PELP1: variants seen among roughly 807,000 people sequenced by gnomAD.
PELP1 encodes the protein proline, glutamate and leucine rich protein 1.
A neutral mutation model predicts 95.5 loss-of-function variants in PELP1; 32 were observed. That is an observed-to-expected ratio of 0.34 (90% CI 0.25 to 0.45). The LOEUF is 0.45. PELP1 is among the 20% of genes least tolerant of loss of function. PELP1 has a pLI of 1.00. For missense variants in PELP1, 1,358 were observed against 1,444.8 expected (o/e 0.94, Z 0.97); for synonymous variants, 668 against 600.1 (o/e 1.11, Z -1.65).
rs1244715577 is a variant in PELP1 at position 4,671,924 on chromosome 17, C to G, written c.3067G>C (p.Ala1023Pro). ...GTEEERGADT[A>P]PTLAPEALPS... is the part of the protein sequence containing the mutation. ...AGCGCTTCAGGGGCCAGGGTGGGAG[C>G]TGTGTCAGCCCCACGCTCCTCCTCC... is the stretch of plus-strand genomic sequence containing the variant. Residue 1023 changes from alanine (A) to proline (P), a missense_variant, in exon 16 of 17, where the codon GCT (alanine) becomes CCT (proline). Coordinates refer to ENST00000572293, the MANE Select transcript of PELP1 (RefSeq NM_014389.3). 1 of 1,519,520 alleles carries G rather than the reference C, an allele frequency of 6.6e-7. No homozygotes were observed. Among genetic ancestry groups the G allele is most frequent in the Non-Finnish European group, 8.8e-7 (1 of 1,138,282 alleles). The allele number at this position is 1,519,520 out of a possible 1,614,324, so 94.1% of individuals were successfully genotyped here. A position where few individuals can be genotyped will look rare whatever the true frequency, so the allele number is the denominator to read the frequency against.
chr17:4,702,791 A>G (rs531059391), intron 1 of PELP1, among the ~76,000 whole-genome samples: 4 of 152,290 alleles, frequency 2.6e-5, no homozygotes, highest in Non-Finnish European at 5.9e-5. Context: ...AAGGATGGGT[A>G]GAATTTGGGG....
At chr17:4,692,404 T>C (rs57983062) in intron 1 of PELP1, among the ~76,000 whole-genome samples, 9,143 of 151,672 alleles carry the variant, frequency 0.06, 338 homozygotes, top group Middle Eastern at 0.15. Context: ...GAGACGGAGT[T>C]TGCAGTGAGC....
chr17:4,675,845 T>C lies in PELP1; in HGVS notation c.1020A>G (p.Glu340=). The stretch of plus-strand genomic sequence containing the variant: ...GGGTCCGGCAGATGAAATCCAGGAT[T>C]TCCTGCACAGGGACGGACACGGGAG... The part of the protein sequence containing the change: ...FGAPVSVPVQ[E]ILDFICRTLS... Residue 340 remains glutamate, a synonymous_variant, in exon 9 of 17, where the codon GAA becomes GAG. Transcript: ENST00000572293. The surrounding 1 kb of genome is among the most constrained non-coding windows in gnomAD (Gnocchi z 4.3). 6.3e-7 allele frequency: 1 copy of C among 1,592,148 alleles called. No homozygotes were observed. Among genetic ancestry groups the C allele is most frequent in the Non-Finnish European group, 8.6e-7 (1 of 1,169,336 alleles).
intron 13 of PELP1, 24 bp downstream of exon 13, chr17:4,674,486 G>A: frequency 6.2e-7 from 1 of 1,603,792 alleles, no homozygotes; most frequent in Non-Finnish European, 8.5e-7. Context: ...AGCCCCAGTG[G>A]TCCAGGGCAC....
chr17:4,702,917 C>G (rs756849411), intron 1 of PELP1, among the ~76,000 whole-genome samples: 1 of 152,014 alleles, frequency 6.6e-6, no homozygotes, highest in Non-Finnish European at 1.5e-5. Context: ...GGTGGGGGTT[C>G]AAGCTAGAAT....
In PELP1 at chr17:4,676,494, C is replaced by T; in HGVS notation, c.716G>A (p.Cys239Tyr). Reference sequence around the variant, plus strand: ...CCCTAAAGAGGGCAGCCGGGAATAACACTCACAGGCCAACTGCGGGAGAAA... The same window carrying T: ...CCCTAAAGAGGGCAGCCGGGAATAATACTCACAGGCCAACTGCGGGAGAAA... ...SPQLQQLACE[C>Y]YSRLPSLGAG... The change falls in exon 7 of 17, where the codon TGT becomes TAT. Residue 239 changes from cysteine to tyrosine, a missense_variant. Transcript: ENST00000572293. The T allele has an allele frequency of 6.2e-7, 1 of 1,613,774 alleles. No individual in the cohort carries two copies.
chr17:4,702,783 G>GGAT (rs1227985122), intron 1 of PELP1, among the ~76,000 whole-genome samples: 1 of 152,174 alleles, frequency 6.6e-6, no homozygotes, highest in Non-Finnish European at 1.5e-5. Flanking sequence ...GGGTCTTGAA[G>GGAT]GATGGGTAGA....
intron 5 of PELP1, among the ~76,000 whole-genome samples, chr17:4,681,988 A>AC (rs777388232): frequency 1.3e-4 from 19 of 151,244 alleles, no homozygotes; most frequent in East Asian, 3.9e-4. Flanking sequence ...ACATGGCGAG[A>AC]CCCCCCTACA....
chr17:4,675,873 C>G lies in PELP1; in HGVS notation c.992G>C (p.Gly331Ala). 6.3e-7 allele frequency: 1 copy of G among 1,591,896 alleles called. No individual in the cohort carries two copies. The highest frequency in any genetic ancestry group is 8.6e-7 in the Non-Finnish European group (1 of 1,169,164). The part of the protein sequence containing the change: ...CLGLMLSSEF[G>A]APVSVPVQEI... ...CTGCACAGGGACGGACACGGGAGCT[C>G]CAAACTCAGAGCTAAAGAGAATCAG... Residue 331 changes from glycine to alanine, a missense_variant, in exon 9 of 17, where the codon GGA (glycine) becomes GCA (alanine). Coordinates refer to ENST00000572293, the MANE Select transcript of PELP1 (RefSeq NM_014389.3). The surrounding 1 kb of genome is among the most constrained non-coding windows in gnomAD (Gnocchi z 4.3).
intron 1 of PELP1, among the ~76,000 whole-genome samples, chr17:4,695,908 C>T (rs2063239144): frequency 6.6e-6 from 1 of 151,664 alleles, no homozygotes; most frequent in Admixed American, 6.6e-5. Flanking sequence ...CTCAGGTGAT[C>T]CGCCCACCTT....
rs566688506 is a variant in PELP1, at chr17:4,672,297, T to C, written c.2694A>G (p.Glu898=). 7.8e-5 allele frequency: 121 copies of C among 1,550,860 alleles called. 1 individual carries two copies. The highest frequency in any genetic ancestry group is 1.2e-4 in the Admixed American group (6 of 50,962). The stretch of plus-strand genomic sequence containing the variant: ...CCTCTTCCTCTTCTTCCTCTTCTTC[T>C]TCTTCCTCTTCTTCCTCTTCCTCCT... ...EEEEEEEEEE[E]EEEEEEEEEE... Residue 898 remains glutamate (E), a synonymous_variant, in exon 16 of 17, where the codon GAA becomes GAG. Coordinates refer to ENST00000572293, the MANE Select transcript of PELP1 (RefSeq NM_014389.3).
At chr17:4,699,196 G>C (rs576687932) in intron 1 of PELP1, among the ~76,000 whole-genome samples, 1 of 152,178 alleles carries the variant, frequency 6.6e-6, no homozygotes, top group South Asian at 2.1e-4. Context: ...TGGCTAACAC[G>C]GTGAAACCCC....
Position 4,670,299 on chromosome 17 carries a change from C to CT in PELP1, c.*1139dup, listed in dbSNP as rs1280527480. 11 of 152,118 alleles carry CT rather than the reference C, an allele frequency of 7.2e-5. No individual in the cohort carries two copies. The highest frequency in any genetic ancestry group is 2.4e-4 in the African/African-American group (10 of 41,412). The allele number at this position is 152,118 out of a possible 1,614,324, so 9.4% of individuals were successfully genotyped here. A position where few individuals can be genotyped will look rare whatever the true frequency, so the allele number is the denominator to read the frequency against. ...TTACTTACGTTCATGATTCAACTGA[C>CT]TGAGCAAAAAAAACCACGGGGCCCC... On this transcript the variant is annotated 3_prime_UTR_variant, in exon 17 of 17. Coordinates refer to ENST00000572293, the MANE Select transcript of PELP1 (RefSeq NM_014389.3).
chr17:4,683,829 C>A (rs1295023558), intron 3 of PELP1, among the ~76,000 whole-genome samples: 10 of 91,276 alleles, frequency 1.1e-4, no homozygotes, highest in Non-Finnish European at 1.8e-4. Context: ...AGTGCCCAGC[C>A]TTTTTTTTTT....
intron 5 of PELP1, 128 bp downstream of exon 5, chr17:4,682,374 G>A (rs1325934193): frequency 7.4e-6 from 5 of 675,262 alleles, no homozygotes; most frequent in African/African-American, 3.6e-5. Flanking sequence ...TGGTAGAAGT[G>A]TACTTGTGGA....
At chr17:4,690,741 G>A (rs1325236662) in intron 3 of PELP1, 147 bp downstream of exon 3, 4 of 565,774 alleles carry the variant, frequency 7.1e-6, no homozygotes, top group Non-Finnish European at 1.3e-5. Context: ...GTTTCTATTT[G>A]AAGCTTATCC....
chr17:4,683,681 C>A (rs1912800493), intron 3 of PELP1, among the ~76,000 whole-genome samples: 1 of 151,346 alleles, frequency 6.6e-6, no homozygotes, highest in South Asian at 2.1e-4. Context: ...CAGGCATGGA[C>A]CATCATGCTT....
intron 2 of PELP1, 94 bp from the exon 3 acceptor site, chr17:4,691,087 T>G: frequency 1.1e-6 from 1 of 883,104 alleles, no homozygotes; most frequent in South Asian, 1.5e-5. Flanking sequence ...ACAGCAAGAC[T>G]TCATCCCCAG....
intron 3 of PELP1, among the ~76,000 whole-genome samples, chr17:4,683,391 T>G (rs376805490): frequency 3.3e-5 from 5 of 151,814 alleles, no homozygotes; most frequent in Non-Finnish European, 5.9e-5. Flanking sequence ...TGACTAATTT[T>G]TTGTATTTTT....
Sources: gnomAD v4.1 joint callset for allele counts (sites outside exome capture counted in the v4.1 genomes callset) on GRCh38, gnomAD v4.1.1 for gene constraint, Gnocchi (gnomAD v3.1) non-coding constraint, MANE v1.5 for transcripts, NCBI Gene and HGNC (gene_info 2026-07-23, HGNC 2026-07-21) for gene names.